Variants in SDF4 observed in about 807,000 individuals in gnomAD.
SDF4 encodes the protein stromal cell derived factor 4.
Under a neutral mutation model 34.2 loss-of-function variants are expected in SDF4, and 22 were observed. The ratio of observed to expected loss-of-function variants is 0.64; its 90% CI spans 0.46 to 0.92. SDF4 has a LOEUF of 0.92. Ranked by LOEUF, SDF4 falls within the 40% of genes least tolerant of loss-of-function variation. The pLI is 0.00. For missense variants in SDF4, 447 were observed against 499.9 expected (o/e 0.89, Z 1.01); for synonymous variants, 236 against 203.1 (o/e 1.16, Z -1.38).
At chr1:1,220,013 A>G in intron 4 of SDF4, 3 of 985,780 alleles carry the variant, frequency 3.0e-6, no homozygotes, top group Non-Finnish European at 3.6e-6. Flanking sequence ...TGTCTGCTCC[A>G]CCGCAGCTCC....
chr1:1,220,831 C>T (rs1270239426), intron 4 of SDF4: 43 of 1,118,800 alleles, frequency 3.8e-5, no homozygotes, highest in Non-Finnish European at 1.3e-5. Context: ...AAGCACATCG[C>T]CAACAGGCCG....
chr1:1,224,215 C>A (rs1343290719), intron 2 of SDF4, among the ~76,000 whole-genome samples: 1 of 152,212 alleles, frequency 6.6e-6, no homozygotes, highest in African/African-American at 2.4e-5. Flanking sequence ...CCCTCCCCCT[C>A]TGTCACACAG....
intron 4 of SDF4, chr1:1,219,971 G>A: frequency 1.0e-6 from 1 of 985,728 alleles, no homozygotes; most frequent in Non-Finnish European, 1.2e-6. Context: ...AGACAGGAGT[G>A]ACGGGGCTGT....
intron 4 of SDF4, among the ~76,000 whole-genome samples, chr1:1,221,605 T>A (rs1330704224): frequency 1.3e-5 from 2 of 151,450 alleles, no homozygotes; most frequent in East Asian, 3.9e-4. Context: ...ACCACTGCAC[T>A]CCAGCCTGGG....
In SDF4 at chr1:1,228,929, G is replaced by A. The variant is rs1638402233; in HGVS notation, c.-157C>T. On this transcript the variant is annotated 5_prime_UTR_variant, in exon 2 of 7. Transcript: ENST00000360001. Reference sequence around the variant, plus strand: ...TGTCCCCAGGACGGCCGCAGGATGGGGACAAGCAGCTCACAGTCTGCAGAG... The same window carrying A: ...TGTCCCCAGGACGGCCGCAGGATGGAGACAAGCAGCTCACAGTCTGCAGAG... 1 of 639,964 alleles carries A rather than the reference G, an allele frequency of 1.6e-6. No individual in the cohort carries two copies. Among genetic ancestry groups the A allele is most frequent in the African/African-American group, 1.8e-5 (1 of 54,650 alleles). The allele number at this position is 639,964 out of a possible 1,614,324, so 39.6% of individuals were successfully genotyped here.
intron 4 of SDF4, chr1:1,220,853 T>C (rs1649908533): frequency 4.2e-6 from 4 of 948,392 alleles, no homozygotes; most frequent in Non-Finnish European, 5.9e-6. Flanking sequence ...ACCAACGGGA[T>C]GAAGCTTAAA....
At chr1:1,221,794 T>C (rs1649977774) in intron 4 of SDF4, among the ~76,000 whole-genome samples, 1 of 152,000 alleles carries the variant, frequency 6.6e-6, no homozygotes, top group Non-Finnish European at 1.5e-5. Context: ...AATCTATCCG[T>C]ACAAAAAATA....
At chr1:1,219,187 C>T (rs1649742827) in intron 4 of SDF4, 51 of 1,322,270 alleles carry the variant, frequency 3.9e-5, no homozygotes, top group Non-Finnish European at 4.9e-5. Flanking sequence ...AGCCCGGACT[C>T]CCCAAGACAG....
In SDF4 at chr1:1,218,929, TGA is replaced by T; in HGVS notation, c.557-4_557-3del. 6.2e-7 allele frequency: 1 copy of T among 1,609,298 alleles called. No homozygotes were observed. Among genetic ancestry groups the T allele is most frequent in the Non-Finnish European group, 8.5e-7 (1 of 1,177,890 alleles). ...TCAGGTTCTCCAGGACTTCCTGTGCTGAGAGGGGCGCAGCCTGTGGGTATCGA... is the reference window on the plus strand; with the variant it reads ...TCAGGTTCTCCAGGACTTCCTGTGCTGAGGGGCGCAGCCTGTGGGTATCGA... On this transcript the variant is annotated splice_region_variant and splice_polypyrimidine_tract_variant and intron_variant, in intron 4 of 6. Coordinates refer to ENST00000360001, the MANE Select transcript of SDF4 (RefSeq NM_016176.6). This position sits in a 1 kb window ranked among gnomAD's most constrained non-coding sequence, Gnocchi z 7.9.
At position 1,218,584 on chromosome 1, in the gene SDF4, G is replaced by A. The variant is rs766361646; in HGVS notation, c.765C>T (p.Pro255=). ...QLSVPEFISL[P]VGTVENQQGQ... ...CCTGCTGGTTCTCCACGGTGCCCAC[G>A]GGCAGGGAGATGAACTCGGGCACAG... Residue 255 remains proline, a synonymous_variant, in exon 6 of 7, where the codon CCC becomes CCT. Transcript: ENST00000360001. This position sits in a 1 kb window ranked among gnomAD's most constrained non-coding sequence, Gnocchi z 7.9. 11 of 1,614,072 alleles carry A rather than the reference G, an allele frequency of 6.8e-6. 1 individual carries two copies. Among genetic ancestry groups the A allele is most frequent in the Admixed American group, 5.0e-5 (3 of 60,030 alleles).
chr1:1,220,867 G>A (rs185230741), intron 4 of SDF4: 34 of 819,490 alleles, frequency 4.1e-5, no homozygotes, highest in East Asian at 1.9e-4. Flanking sequence ...GCTTAAAGAC[G>A]CAGTCAGGAC....
chr1:1,224,481 T>C lies in SDF4; in HGVS notation c.306-513A>G, dbSNP rs116291462. 6.1e-3 allele frequency among the ~76,000 whole-genome samples: 930 copies of C among 152,310 alleles called. 10 individuals carry two copies. Among genetic ancestry groups the C allele is most frequent in the African/African-American group, 0.022 (896 of 41,562 alleles). On this transcript the variant is annotated intron_variant, in intron 2 of 6. Transcript: ENST00000360001. ...TTTTAACAGAAATACGGTTTCACCA[T>C]GTTGGGCAGGCTAGTCTCAAACTCC...
chr1:1,223,031 GCACA>G (rs375970915), intron 4 of SDF4: 13 of 580,032 alleles, frequency 2.2e-5, no homozygotes, highest in East Asian at 1.2e-4. Context: ...GTACTCACGA[GCACA>G]CACACAGCAC....
At chr1:1,225,817 GAGCAAAA>G (rs1284079585) in intron 2 of SDF4, among the ~76,000 whole-genome samples, 3 of 152,180 alleles carry the variant, frequency 2.0e-5, no homozygotes, top group Non-Finnish European at 4.4e-5. Flanking sequence ...ACACGAGGCA[GAGCAAAA>G]AGCAAAAAGG....
intron 1 of SDF4, among the ~76,000 whole-genome samples, chr1:1,229,593 T>C (rs1638429442): frequency 6.6e-6 from 1 of 152,192 alleles, no homozygotes; most frequent in South Asian, 2.1e-4. Context: ...CTCCAGGGGC[T>C]AACCTGTCCC....
At chr1:1,224,101 A>C in intron 2 of SDF4, 133 bp from the exon 3 acceptor site, 1 of 1,493,834 alleles carries the variant, frequency 6.7e-7, no homozygotes. Flanking sequence ...TCCACCAGGC[A>C]ACGCGAAAAG....
chr1:1,217,805 C>A lies in SDF4; in HGVS notation c.892-117G>T. On this transcript the variant is annotated intron_variant, in intron 6 of 6. Coordinates refer to ENST00000360001, the MANE Select transcript of SDF4 (RefSeq NM_016176.6). The surrounding 1 kb of genome is among the most constrained non-coding windows in gnomAD (Gnocchi z 8.5). The stretch of plus-strand genomic sequence containing the variant: ...GCTGCAGCGGGAGTGTGGGCACGTT[C>A]TGGAAGGTTCCCGAAGGGAGGCGGC... 6.4e-7 allele frequency: 1 copy of A among 1,572,340 alleles called. No homozygotes were observed.
chr1:1,219,842 C>G (rs1649811139), intron 4 of SDF4: 1 of 985,894 alleles, frequency 1.0e-6, no homozygotes, highest in Non-Finnish European at 1.2e-6. Context: ...CTGGCCGAAG[C>G]CCCTGCCACA....
In SDF4 at chr1:1,228,734, C is replaced by T. The variant is rs768525677; in HGVS notation, c.39G>A (p.Pro13=). 9.9e-6 allele frequency: 16 copies of T among 1,612,376 alleles called. No individual in the cohort carries two copies. Among genetic ancestry groups the T allele is most frequent in the African/African-American group, 9.3e-5 (7 of 74,922 alleles). The part of the protein sequence containing the change: ...SRWGPLIGLA[P]CCLWLLGAVL... The stretch of plus-strand genomic sequence containing the variant: ...CTGCCCCCAGGAGCCAGAGGCAGCA[C>T]GGAGCCAGGCCAATGAGGGGACCCC... Residue 13 remains proline, a synonymous_variant, in exon 2 of 7, where the codon CCG becomes CCA. Coordinates refer to ENST00000360001, the MANE Select transcript of SDF4 (RefSeq NM_016176.6).
Sources: gnomAD v4.1 joint callset for allele counts (sites outside exome capture counted in the v4.1 genomes callset) on GRCh38, gnomAD v4.1.1 for gene constraint, Gnocchi (gnomAD v3.1) non-coding constraint, MANE v1.5 for transcripts, NCBI Gene and HGNC (gene_info 2026-07-23, HGNC 2026-07-21) for gene names.